The following TFCP2L1 variants were observed in gnomAD, a reference collection of about 807,000 sequenced individuals.
The protein encoded by TFCP2L1 is transcription factor CP2-like protein 1.
A neutral mutation model predicts 72.2 loss-of-function variants in TFCP2L1; 12 were observed. The observed-to-expected ratio is 0.17, with a 90% CI of 0.11 to 0.27. The LOEUF is 0.27. Ranked by LOEUF, TFCP2L1 falls within the 10% of genes least tolerant of loss-of-function variation. The probability of loss-of-function intolerance (pLI) is 1.00; values close to 1 mark genes in which losing one functional copy is unlikely to be tolerated. For missense variants in TFCP2L1, 488 were observed against 624.6 expected (o/e 0.78, Z 2.33); for synonymous variants, 260 against 251.0 (o/e 1.04, Z -0.34).
chr2:121,235,574 CTTTTTTTTTTTT>C (rs34634906), intron 10 of TFCP2L1, among the ~76,000 whole-genome samples: 5 of 119,844 alleles, frequency 4.2e-5, no homozygotes, highest in African/African-American at 1.6e-4. Flanking sequence ...TTCTTTCTTT[CTTTTTTTTTTTT>C]TTTTTTTTTT....
chr2:121,248,468 T>A (rs565166426), intron 4 of TFCP2L1, among the ~76,000 whole-genome samples, 198 bp from the exon 5 acceptor site: 1 of 152,242 alleles, frequency 6.6e-6, no homozygotes, highest in Non-Finnish European at 1.5e-5. Context: ...CCGTTTTGTA[T>A]GAACCGTCAT....
At chr2:121,282,963 G>C (rs750068362) in intron 1 of TFCP2L1, among the ~76,000 whole-genome samples, 2 of 152,152 alleles carry the variant, frequency 1.3e-5, no homozygotes, top group Non-Finnish European at 2.9e-5. Context: ...GTGCAAGGCC[G>C]TCTCGACTTT....
Position 121,285,144 on chromosome 2 carries a change from C to A in TFCP2L1, c.-35G>T, listed in dbSNP as rs990330119. The A allele has an allele frequency of 1.4e-6, 2 of 1,460,234 alleles. No individual in the cohort carries two copies. The highest frequency in any genetic ancestry group is 1.5e-5 in the African/African-American group (1 of 68,792). The allele number at this position is 1,460,234 out of a possible 1,614,324, so 90.5% of individuals were successfully genotyped here. On this transcript the variant is annotated 5_prime_UTR_variant, in exon 1 of 15. Coordinates refer to ENST00000263707, the MANE Select transcript of TFCP2L1 (RefSeq NM_014553.3). ...TCCCAGCGCGCCGACCGGGGCGCGGCAGCAAGCGCAGACGCGGGGCGCGCC... is the reference window on the plus strand; with the variant it reads ...TCCCAGCGCGCCGACCGGGGCGCGGAAGCAAGCGCAGACGCGGGGCGCGCC...
chr2:121,227,458 G>A (rs1045447472), intron 13 of TFCP2L1, among the ~76,000 whole-genome samples: 2 of 152,054 alleles, frequency 1.3e-5, no homozygotes, highest in Middle Eastern at 3.4e-3. Context: ...AAGGCAGGTG[G>A]ATCACCTGAG....
intron 2 of TFCP2L1, among the ~76,000 whole-genome samples, chr2:121,277,139 T>C (rs1687164231): frequency 6.6e-6 from 1 of 152,146 alleles, no homozygotes; most frequent in South Asian, 2.1e-4. Flanking sequence ...GACAGGAATA[T>C]AATAAACAAA....
At chr2:121,281,488 C>G (rs1427799750) in intron 1 of TFCP2L1, among the ~76,000 whole-genome samples, 1 of 152,016 alleles carries the variant, frequency 6.6e-6, no homozygotes, top group East Asian at 1.9e-4. Flanking sequence ...CACTCAATGA[C>G]CCCCCAAAAC....
chr2:121,266,294 C>T (rs935526839), intron 2 of TFCP2L1, among the ~76,000 whole-genome samples: 2 of 152,056 alleles, frequency 1.3e-5, no homozygotes, highest in African/African-American at 2.4e-5. Flanking sequence ...CTCTCCTCCT[C>T]CAAATATCCA....
At position 121,240,358 on chromosome 2, in the gene TFCP2L1, T is replaced by C. The variant is rs1489620731; in HGVS notation, c.769-709A>G. 12 of 985,376 alleles carry C rather than the reference T, an allele frequency of 1.2e-5. No homozygotes were observed. The East Asian group carries it at 1.2e-3, about 103-fold the overall frequency. 61.0% of individuals were successfully genotyped at this position (985,376 alleles called of 1,614,324 possible). A position where few individuals can be genotyped will look rare whatever the true frequency, so the allele number is the denominator to read the frequency against. On this transcript the variant is annotated intron_variant, in intron 7 of 14. Coordinates refer to ENST00000263707, the MANE Select transcript of TFCP2L1 (RefSeq NM_014553.3). ...GGTTTTGTCTGCTGGAGAAAGTCTA[T>C]CCAGCTGAAAAAGTTCATCTCTTCC...
intron 11 of TFCP2L1, among the ~76,000 whole-genome samples, chr2:121,234,985 GGGGCCTCCAGGCA>G (rs1463977869): frequency 6.6e-6 from 1 of 152,256 alleles, no homozygotes; most frequent in Non-Finnish European, 1.5e-5. Context: ...AGAAGAGGGA[GGGGCCTCCAGGCA>G]GGGTCTGCGG....
At chr2:121,251,161 C>G (rs111563648) in intron 2 of TFCP2L1, among the ~76,000 whole-genome samples, 23,233 of 151,440 alleles carry the variant, frequency 0.15, 2,080 homozygotes, top group South Asian at 0.25. Flanking sequence ...GAGACTGAGA[C>G]AGGAGAATCA....
intron 2 of TFCP2L1, among the ~76,000 whole-genome samples, chr2:121,260,218 A>G (rs1393530061): frequency 1.3e-5 from 2 of 152,116 alleles, no homozygotes; most frequent in African/African-American, 4.8e-5. Flanking sequence ...AGTTAATGGC[A>G]AAGACTAAGT....
At chr2:121,283,347 C>T (rs1687302313) in intron 1 of TFCP2L1, among the ~76,000 whole-genome samples, 1 of 152,158 alleles carries the variant, frequency 6.6e-6, no homozygotes, top group Non-Finnish European at 1.5e-5. Flanking sequence ...AAGGACCAGA[C>T]CCTCCCTCTA....
chr2:121,237,774 A>G (rs1401171457), intron 9 of TFCP2L1, 28 bp downstream of exon 9: 1 of 1,613,980 alleles, frequency 6.2e-7, no homozygotes, highest in Non-Finnish European at 8.5e-7. Flanking sequence ...AGGGACCACC[A>G]GCCAGAAAGC....
In TFCP2L1 at chr2:121,249,449, G is replaced by C. The variant is rs1241385266; in HGVS notation, c.291+122C>G. 29 of 873,124 alleles carry C rather than the reference G, an allele frequency of 3.3e-5. No homozygotes were observed. The East Asian group carries it at 7.1e-4, about 21-fold the overall frequency. The allele number at this position is 873,124 out of a possible 1,614,324, so 54.1% of individuals were successfully genotyped here. A position where few individuals can be genotyped will look rare whatever the true frequency, so the allele number is the denominator to read the frequency against. Reference sequence around the variant, plus strand: ...GGGCTGCGTCTCACCGTTGAGGGCTGAGCTGAACCCGGCCTCTCCCTAACC... The same window carrying C: ...GGGCTGCGTCTCACCGTTGAGGGCTCAGCTGAACCCGGCCTCTCCCTAACC... On this transcript the variant is annotated intron_variant, in intron 3 of 14. Coordinates refer to ENST00000263707, the MANE Select transcript of TFCP2L1 (RefSeq NM_014553.3).
At chr2:121,242,278 A>G in intron 7 of TFCP2L1, 81 bp downstream of exon 7, 1 of 1,286,204 alleles carries the variant, frequency 7.8e-7, no homozygotes, top group Non-Finnish European at 1.1e-6. Flanking sequence ...GAGATGGGCG[A>G]TTTTCCAAGA....
At chr2:121,275,412 A>AAAAAAAAAAAAAG in intron 2 of TFCP2L1, among the ~76,000 whole-genome samples, 1 of 150,918 alleles carries the variant, frequency 6.6e-6, no homozygotes, top group African/African-American at 2.4e-5. Flanking sequence ...AAAAAAAAAA[A>AAAAAAAAAAAAAG]AAAGAAATAA....
chr2:121,236,245 C>T (rs10191489), intron 10 of TFCP2L1, among the ~76,000 whole-genome samples: 17,121 of 152,136 alleles, frequency 0.11, 1,690 homozygotes, highest in East Asian at 0.38. Context: ...ACACAAGGTG[C>T]GTGTCTGCCG....
chr2:121,253,989 C>T (rs1686661642), intron 2 of TFCP2L1, among the ~76,000 whole-genome samples: 1 of 152,194 alleles, frequency 6.6e-6, no homozygotes. Flanking sequence ...CCCACAGTCA[C>T]ATACAGGCTG....
chr2:121,267,950 G>A (rs886821671), intron 2 of TFCP2L1, among the ~76,000 whole-genome samples: 2 of 152,190 alleles, frequency 1.3e-5, no homozygotes, highest in South Asian at 2.1e-4. Flanking sequence ...GAAGGCCAAA[G>A]CAGGAGTTCA....
Sources: gnomAD v4.1 joint callset for allele counts (sites outside exome capture counted in the v4.1 genomes callset) on GRCh38, gnomAD v4.1.1 for gene constraint, MANE v1.5 for transcripts, NCBI Gene and HGNC (gene_info 2026-07-23, HGNC 2026-07-21) for gene names.